TXLNB: variants seen among roughly 807,000 people sequenced by gnomAD.
The protein encoded by TXLNB is beta-taxilin.
A neutral mutation model predicts 57.4 loss-of-function variants in TXLNB; 37 were observed. The ratio of observed to expected loss-of-function variants is 0.64; its 90% CI spans 0.50 to 0.85. The LOEUF (loss-of-function observed/expected upper bound fraction) is 0.85. Among genes scored for constraint, TXLNB ranks in the 40% least tolerant of loss-of-function variants. The pLI is 0.00. For missense variants in TXLNB, 848 were observed against 825.6 expected, an observed-to-expected ratio of 1.03 and a Z score of -0.33; for synonymous variants, 302 against 309.6, an observed-to-expected ratio of 0.98 and a Z score of 0.26.
chr6:139,187,388 A>C, the TXLNB span, among the ~76,000 whole-genome samples: 3 of 151,708 alleles, frequency 2.0e-5, no homozygotes, highest in South Asian at 6.3e-4. Flanking sequence ...TAAATATAGA[A>C]CCTCTCTAGA....
At chr6:139,257,452 G>A (rs552551602) in intron 6 of TXLNB, among the ~76,000 whole-genome samples, 6 of 152,284 alleles carry the variant, frequency 3.9e-5, no homozygotes, top group African/African-American at 1.4e-4. Context: ...ACAAAAGCAA[G>A]TGCAATTGGA....
At chr6:139,174,700 C>A in the TXLNB span, 3 of 1,020,052 alleles carry the variant, frequency 2.9e-6, no homozygotes, top group South Asian at 1.9e-5. Flanking sequence ...ACTATTCAGT[C>A]ATTAAAAGGA....
chr6:139,171,986 C>T, the TXLNB span, among the ~76,000 whole-genome samples: 1 of 152,028 alleles, frequency 6.6e-6, no homozygotes, highest in African/African-American at 2.4e-5. Flanking sequence ...GCCGCCACCA[C>T]GCCTAGCTAA....
At position 139,242,828 on chromosome 6, in the gene TXLNB, C is replaced by T. The variant is rs1255468969; in HGVS notation, c.1753G>A (p.Gly585Arg). ...AGACCCTCGCATTGGGTTTCTGCTC[C>T]CAACCCGGCAGGAGAATTACTGGCC... is the stretch of plus-strand genomic sequence containing the variant. Reference protein sequence around the residue: ...SKASNSPAGLGAETQCEGLPV... With the variant: ...SKASNSPAGLRAETQCEGLPV... The change falls in exon 10 of 10, where the codon GGA (glycine) becomes AGA (arginine). Residue 585 changes from glycine (G) to arginine (R), a missense_variant. Transcript: ENST00000358430. 3.1e-6 allele frequency: 5 copies of T among 1,614,040 alleles called. No homozygotes were observed. The highest frequency in any genetic ancestry group is 4.2e-6 in the Non-Finnish European group (5 of 1,180,048).
the TXLNB span, chr6:139,178,099 A>G: frequency 2.0e-5 from 3 of 152,254 alleles, no homozygotes; most frequent in African/African-American, 7.2e-5. Flanking sequence ...AAGGGAAAAA[A>G]GTGTGAAAGG....
chr6:139,223,293 G>A, the TXLNB span, among the ~76,000 whole-genome samples: 1 of 152,122 alleles, frequency 6.6e-6, no homozygotes, highest in African/African-American at 2.4e-5. Flanking sequence ...AAAACTTGTG[G>A]GATGCAGTTA....
chr6:139,208,070 A>G, the TXLNB span, among the ~76,000 whole-genome samples: 1 of 152,030 alleles, frequency 6.6e-6, no homozygotes, highest in Non-Finnish European at 1.5e-5. Context: ...AGTGAGACTC[A>G]GTCTCAAACA....
At chr6:139,166,308 T>C in the TXLNB span, 1 of 1,610,470 alleles carries the variant, frequency 6.2e-7, no homozygotes, top group Non-Finnish European at 8.5e-7. Context: ...ACTCCCCTGA[T>C]CTGCAGCTTC....
chr6:139,222,406 A>G, the TXLNB span, among the ~76,000 whole-genome samples: 1 of 152,220 alleles, frequency 6.6e-6, no homozygotes, highest in African/African-American at 2.4e-5. Context: ...ATAAAAATAG[A>G]TATTTCATAA....
intron 5 of TXLNB, among the ~76,000 whole-genome samples, chr6:139,260,899 G>A (rs1368049008): frequency 6.6e-6 from 1 of 152,150 alleles, no homozygotes; most frequent in Non-Finnish European, 1.5e-5. Flanking sequence ...CTGCATTCTT[G>A]CCTCTGGCGT....
At chr6:139,213,413 T>A in the TXLNB span, among the ~76,000 whole-genome samples, 1 of 152,186 alleles carries the variant, frequency 6.6e-6, no homozygotes. Context: ...GAAATAAAGA[T>A]GTTCTTTGAA....
chr6:139,305,631 T>C, the TXLNB span, among the ~76,000 whole-genome samples: 2 of 152,150 alleles, frequency 1.3e-5, no homozygotes, highest in Non-Finnish European at 2.9e-5. Context: ...CCCAAACACA[T>C]TGAATGGATC....
chr6:139,185,114 A>G, the TXLNB span, among the ~76,000 whole-genome samples: 1 of 152,140 alleles, frequency 6.6e-6, no homozygotes, highest in Non-Finnish European at 1.5e-5. Context: ...GAGGCTCCAG[A>G]ACCCCATGGT....
intron 4 of TXLNB, chr6:139,269,219 T>C (rs1344986735): frequency 6.6e-6 from 1 of 152,250 alleles, no homozygotes; most frequent in East Asian, 1.9e-4. Flanking sequence ...ATTCTGTCTT[T>C]CAATACTACC....
chr6:139,163,813 G>A, the TXLNB span, among the ~76,000 whole-genome samples: 8 of 151,966 alleles, frequency 5.3e-5, no homozygotes, highest in Non-Finnish European at 7.4e-5. Context: ...CACTCCTCCC[G>A]TTTTTCTTGG....
In TXLNB at chr6:139,262,722, T is replaced by C. The variant is rs1006911671; in HGVS notation, c.739A>G (p.Thr247Ala). ...REEEEKRKEITSHFQSTLTDI... is the reference protein window; with the variant it reads ...REEEEKRKEIASHFQSTLTDI... ...GTGAGGGTACTCTGGAAATGGCTTG[T>C]GATTTCCTTCCTTTTCTCTTCTTCC... The change falls in exon 5 of 10, where the codon ACA becomes GCA. Residue 247 changes from threonine to alanine, a missense_variant. Physicochemically the swap from Thr to Ala is moderately conservative, Grantham distance 58. Coordinates refer to ENST00000358430, the MANE Select transcript of TXLNB (RefSeq NM_153235.4). The C allele has an allele frequency of 5.0e-6, 8 of 1,614,054 alleles. No individual in the cohort carries two copies. The highest frequency in any genetic ancestry group is 6.8e-6 in the Non-Finnish European group (8 of 1,180,028).
At position 139,244,645 on chromosome 6, in the gene TXLNB, T is replaced by C. The variant is rs764700873; in HGVS notation, c.1216A>G (p.Lys406Glu). ...TTGTTACAGTTCTCAAATCGGGCTTTCCATGTGGCTGTGTCCTTTTCCAGC... is the reference window on the plus strand; with the variant it reads ...TTGTTACAGTTCTCAAATCGGGCTTCCCATGTGGCTGTGTCCTTTTCCAGC... Reference protein sequence around the residue: ...KKLEKDTATWKARFENCNKAL... With the variant: ...KKLEKDTATWEARFENCNKAL... The change falls in exon 9 of 10, where the codon AAA becomes GAA. Residue 406 changes from lysine to glutamate, a missense_variant. Lys to Glu is a moderately conservative substitution (Grantham distance 56). Transcript: ENST00000358430. The C allele has an allele frequency of 6.2e-7, 1 of 1,614,130 alleles. No individual in the cohort carries two copies. The highest frequency in any genetic ancestry group is 2.2e-5 in the East Asian group (1 of 44,878).
the TXLNB span, among the ~76,000 whole-genome samples, chr6:139,312,663 G>A: frequency 7.9e-6 from 1 of 127,134 alleles, no homozygotes; most frequent in Non-Finnish European, 1.7e-5. Flanking sequence ...ACTTGAATAT[G>A]AACCCCAAAA....
upstream of TXLNB, among the ~76,000 whole-genome samples, chr6:139,295,861 T>G (rs1777380031): frequency 2.6e-5 from 4 of 152,224 alleles, 1 homozygote; most frequent in African/African-American, 9.6e-5. Context: ...TTCCTGGAGT[T>G]GATAATTTCT....
Sources: allele counts gnomAD v4.1 joint callset (sites outside exome capture counted in the v4.1 genomes callset), GRCh38; gene constraint gnomAD v4.1.1; transcripts MANE v1.5; gene names NCBI Gene and HGNC (gene_info 2026-07-23, HGNC 2026-07-21).